TANC2: variants seen among roughly 807,000 people sequenced by gnomAD.
TANC2 encodes tetratricopeptide repeat, ankyrin repeat and coiled-coil containing 2, also known as protein TANC2.
TANC2 carries 26 observed loss-of-function variants against 210.5 expected under a neutral mutation model. The ratio of observed to expected loss-of-function variants is 0.12; its 90% CI spans 0.09 to 0.17. The LOEUF is 0.17. Ranked by LOEUF, TANC2 falls within the 10% of genes least tolerant of loss-of-function variation. The pLI is 1.00. For synonymous variants in TANC2, 931 were observed against 967.1 expected, an observed-to-expected ratio of 0.96 and a Z score of 0.69; for missense variants, 2,129 against 2,608.9, an observed-to-expected ratio of 0.82 and a Z score of 4.01.
intron 1 of TANC2, among the ~76,000 whole-genome samples, chr17:62,979,985 A>C (rs536095763): frequency 4.9e-4 from 74 of 152,270 alleles, no homozygotes; most frequent in African/African-American, 1.7e-3. Flanking sequence ...CTCCTCCACT[A>C]GTTTGGCTTG....
intron 14 of TANC2, among the ~76,000 whole-genome samples, chr17:63,362,255 G>T (rs1425865048): frequency 6.6e-6 from 1 of 152,186 alleles, no homozygotes; most frequent in Non-Finnish European, 1.5e-5. Context: ...CTGTGAGTTT[G>T]GCTGAGTCCA....
At chr17:63,204,435 A>G (rs949599500) in intron 7 of TANC2, among the ~76,000 whole-genome samples, 5 of 142,888 alleles carry the variant, frequency 3.5e-5, no homozygotes, top group Non-Finnish European at 6.3e-5. Flanking sequence ...ATTCAAATCA[A>G]TCTCTATCAC....
At chr17:63,097,052 C>CT (rs2037414069) in intron 3 of TANC2, among the ~76,000 whole-genome samples, 1 of 117,852 alleles carries the variant, frequency 8.5e-6, no homozygotes. Flanking sequence ...TTTTTTTTTT[C>CT]TTTTTCAAGA....
intron 4 of TANC2, among the ~76,000 whole-genome samples, chr17:63,108,826 TAAATAA>T (rs1332510308): frequency 6.6e-6 from 1 of 150,710 alleles, no homozygotes; most frequent in Non-Finnish European, 1.5e-5. Context: ...TATAAATAAA[TAAATAA>T]AAATAAAAAA....
exon 10 of TANC2, chr17:63,314,555 G>A (rs756060797): frequency 3.7e-6 from 6 of 1,613,938 alleles, no homozygotes; most frequent in Admixed American, 1.7e-5. Flanking sequence ...AGTAGTGATT[G>A]TGGGAAACAT....
intron 17 of TANC2, among the ~76,000 whole-genome samples, chr17:63,395,123 T>C (rs2048112047): frequency 6.6e-6 from 1 of 152,240 alleles, no homozygotes; most frequent in Non-Finnish European, 1.5e-5. Context: ...CAGGGTCTTC[T>C]TTCAGCCTAA....
chr17:63,361,838 C>G (rs1463593031), intron 14 of TANC2, among the ~76,000 whole-genome samples: 1 of 152,238 alleles, frequency 6.6e-6, no homozygotes, highest in Non-Finnish European at 1.5e-5. Context: ...AGCAACAGAA[C>G]AGCTCTCAAG....
At chr17:63,045,287 T>C (rs2035335632) in intron 2 of TANC2, among the ~76,000 whole-genome samples, 1 of 152,240 alleles carries the variant, frequency 6.6e-6, no homozygotes, top group African/African-American at 2.4e-5. Flanking sequence ...TGCAGACCCA[T>C]GTTTTAGATT....
At chr17:63,137,578 CTG>C (rs1055896075) in intron 4 of TANC2, among the ~76,000 whole-genome samples, 2 of 152,174 alleles carry the variant, frequency 1.3e-5, no homozygotes, top group African/African-American at 4.8e-5. Context: ...GAAAGCCTCT[CTG>C]TGTTTCTCAG....
chr17:63,411,939 G>A lies in TANC2; in HGVS notation c.3766-59G>A, dbSNP rs2048716279. On this transcript the variant is annotated intron_variant, in intron 22 of 27. Transcript: ENST00000689528. ...GGGCAGGCAGCAGCCAGAGCCCTCGGTGGAACAGTGCTGAGCCATTACGCC... is the reference window on the plus strand; with the variant it reads ...GGGCAGGCAGCAGCCAGAGCCCTCGATGGAACAGTGCTGAGCCATTACGCC... 4 of 1,594,042 alleles carry A rather than the reference G, an allele frequency of 2.5e-6. No individual in the cohort carries two copies. The Admixed American group carries it at 6.8e-5, about 27-fold the overall frequency.
At chr17:63,220,794 GTATA>G (rs1026688891) in intron 7 of TANC2, among the ~76,000 whole-genome samples, 2 of 145,092 alleles carry the variant, frequency 1.4e-5, no homozygotes, top group African/African-American at 5.1e-5. Context: ...GTGTATATAT[GTATA>G]TATACGTGTA....
chr17:63,121,853 G>C (rs1265679975), intron 4 of TANC2, among the ~76,000 whole-genome samples: 6 of 151,970 alleles, frequency 3.9e-5, no homozygotes, highest in African/African-American at 1.2e-4. Flanking sequence ...TGTAGTCCCA[G>C]CTACTTGGGA....
At chr17:63,033,677 G>C (rs2034862558) in intron 2 of TANC2, among the ~76,000 whole-genome samples, 1 of 152,102 alleles carries the variant, frequency 6.6e-6, no homozygotes, top group African/African-American at 2.4e-5. Flanking sequence ...TGGGTTAAGT[G>C]ACTGGGTGAA....
chr17:63,026,914 C>G (rs1045729656), intron 2 of TANC2, among the ~76,000 whole-genome samples: 1 of 152,112 alleles, frequency 6.6e-6, no homozygotes, highest in African/African-American at 2.4e-5. Context: ...TTGGTACTTT[C>G]AAAGTTTGCT....
rs1599080002 is a variant in TANC2, at chr17:63,415,464, G to T, written c.4021-64G>T. The T allele has an allele frequency of 1.1e-5, 17 of 1,583,200 alleles. No individual in the cohort carries two copies. In the East Asian group the frequency reaches 3.4e-4, roughly 31 times the overall value. On this transcript the variant is annotated intron_variant, in intron 25 of 27. Coordinates refer to ENST00000689528, the Ensembl canonical transcript of TANC2. ...CTGCTGAGAAGAAGAAGGGAGTGGG[G>T]ACCACACTTCCTCAGCTGTTCAGCA...
chr17:63,005,938 G>A (rs907767800), intron 1 of TANC2, among the ~76,000 whole-genome samples: 3 of 149,094 alleles, frequency 2.0e-5, no homozygotes, highest in African/African-American at 7.4e-5. Context: ...GTGTGTGTGT[G>A]TGTGTGTGAA....
In TANC2 at chr17:63,261,312, A is replaced by G. The variant is rs190972911; in HGVS notation, c.1034-6436A>G. Among the ~76,000 whole-genome samples, 151 of 152,322 alleles carry G rather than the reference A, an allele frequency of 9.9e-4. 1 individual carries two copies. The highest frequency in any genetic ancestry group is 1.1e-3 in the Non-Finnish European group (78 of 68,022). ...AAAGGTAGTAAGAAAACCTTGAGGT[A>G]TCATGGATTTAACAACTGCAGGAAG... On this transcript the variant is annotated intron_variant, in intron 8 of 27. Transcript: ENST00000689528.
exon 2 of TANC2, chr17:63,009,620 T>G: frequency 2.5e-6 from 4 of 1,612,704 alleles, no homozygotes; most frequent in Non-Finnish European, 3.4e-6. Flanking sequence ...TAAAAACAGG[T>G]CAAGTGGTAA....
At chr17:63,384,078 T>A (rs1255670216) in intron 15 of TANC2, among the ~76,000 whole-genome samples, 11 of 152,006 alleles carry the variant, frequency 7.2e-5, no homozygotes, top group South Asian at 2.1e-4. Context: ...ACTTTTTTTT[T>A]TATATTTTTG....
Sources: allele counts gnomAD v4.1 joint callset (sites outside exome capture counted in the v4.1 genomes callset), GRCh38; gene constraint gnomAD v4.1.1; transcripts MANE v1.5; gene names NCBI Gene and HGNC (gene_info 2026-07-23, HGNC 2026-07-21).